Variants in SHPRH observed in about 807,000 individuals in gnomAD.
SHPRH encodes the protein E3 ubiquitin-protein ligase SHPRH.
Under a neutral mutation model 202.5 loss-of-function variants are expected in SHPRH, and 106 were observed. The ratio of observed to expected loss-of-function variants is 0.52; its 90% confidence interval spans 0.45 to 0.62. SHPRH has a LOEUF of 0.62. Ranked by LOEUF, SHPRH falls within the 20% of genes least tolerant of loss-of-function variation. SHPRH has a pLI of 0.00. For synonymous variants in SHPRH, 729 were observed against 686.0 expected, an observed-to-expected ratio of 1.06 and a Z score of -0.98; for missense variants, 1,710 against 2,020.0, an observed-to-expected ratio of 0.85 and a Z score of 2.94.
chr6:145,933,009 C>A (rs1562338614), intron 14 of SHPRH, 48 bp downstream of exon 14: 1 of 1,565,446 alleles, frequency 6.4e-7, no homozygotes, highest in Non-Finnish European at 8.7e-7. Context: ...AATTAACCTT[C>A]CTCAGGAAGT....
intron 1 of SHPRH, among the ~76,000 whole-genome samples, chr6:145,961,108 C>T (rs535217074): frequency 3.4e-4 from 51 of 152,186 alleles, no homozygotes; most frequent in Middle Eastern, 3.4e-3. Context: ...TAACAGGCCA[C>T]GGACTGGCAC....
intron 2 of SHPRH, among the ~76,000 whole-genome samples, chr6:145,879,744 T>C (rs938286897): frequency 3.3e-5 from 5 of 151,212 alleles, no homozygotes; most frequent in African/African-American, 1.2e-4. Context: ...AACCCCGTGT[T>C]TACTAAAAAT....
chr6:145,941,913 C>T, intron 9 of SHPRH, 39 bp from the exon 10 acceptor site: 4 of 1,601,704 alleles, frequency 2.5e-6, no homozygotes, highest in Non-Finnish European at 3.4e-6. Context: ...TGCAAAAAGG[C>T]TCACTAAAGG....
intron 28 of SHPRH, among the ~76,000 whole-genome samples, chr6:145,892,338 C>T (rs1357600613): frequency 6.6e-6 from 1 of 152,128 alleles, no homozygotes; most frequent in East Asian, 1.9e-4. Flanking sequence ...TCTGTAGGGC[C>T]CGAGTGATCA....
intron 23 of SHPRH, among the ~76,000 whole-genome samples, chr6:145,915,626 G>T (rs1369675512): frequency 6.6e-6 from 1 of 151,988 alleles, no homozygotes; most frequent in Non-Finnish European, 1.5e-5. Flanking sequence ...TGGTTACATA[G>T]AGAAACTATG....
chr6:145,941,752 G>T lies in SHPRH; in HGVS notation c.2361C>A (p.Ser787Arg). ...SELNYVDIPH[S>R]NSEDGRRLRN... Reference sequence around the variant, plus strand: ...GTAGGCGACGCCCATCCTCACTATTGCTATGTGGGATATCGACATAATTTA... The same window carrying T: ...GTAGGCGACGCCCATCCTCACTATTTCTATGTGGGATATCGACATAATTTA... Residue 787 changes from serine (S) to arginine (R), a missense_variant, in exon 10 of 30, where the codon AGC becomes AGA. Ser to Arg is a moderately radical substitution (Grantham distance 110). Around this residue, in one of 8 missense-constraint regions of SHPRH, gnomAD observed 277 missense variants for 363.0 expected, o/e 0.76. Transcript: ENST00000275233. 1 of 1,613,958 alleles carries T rather than the reference G, an allele frequency of 6.2e-7. No individual in the cohort carries two copies. The highest frequency in any genetic ancestry group is 8.5e-7 in the Non-Finnish European group (1 of 1,179,968).
chr6:145,859,470 CA>C (rs1422174206), downstream of SHPRH, among the ~76,000 whole-genome samples: 5 of 151,860 alleles, frequency 3.3e-5, no homozygotes, highest in African/African-American at 1.2e-4. Context: ...TCCATGTAGA[CA>C]AATCGATGAG....
chr6:145,935,234 T>C, intron 12 of SHPRH, 44 bp downstream of exon 12: 1 of 1,602,378 alleles, frequency 6.2e-7, no homozygotes, highest in East Asian at 2.2e-5. Context: ...AATTGTTTCT[T>C]TTCTCTTATA....
rs1788333106 is a variant in SHPRH, at chr6:145,954,805, T to C, written c.518A>G (p.Lys173Arg). The C allele has an allele frequency of 6.2e-7, 1 of 1,613,906 alleles. No individual in the cohort carries two copies. The highest frequency in any genetic ancestry group is 8.5e-7 in the Non-Finnish European group (1 of 1,179,882). The change falls in exon 2 of 30, where the codon AAG becomes AGG. Residue 173 changes from lysine (K) to arginine (R), a missense_variant. Lys to Arg is a conservative substitution (Grantham distance 26, BLOSUM62 2). Around this residue, in one of 8 missense-constraint regions of SHPRH, gnomAD observed 459 missense variants for 426.5 expected, o/e 1.08. Coordinates refer to ENST00000275233, the MANE Select transcript of SHPRH (RefSeq NM_001042683.3). ...GAAGGATGACTCCACCAGAATACCC[T>C]TGTCACAAATACTCATCGGTTCTTT... ...QKKEPMSICD[K>R]GILVESSFSG...
At chr6:145,888,650 G>A (rs935881787) in intron 28 of SHPRH, among the ~76,000 whole-genome samples, 1 of 152,146 alleles carries the variant, frequency 6.6e-6, no homozygotes, top group African/African-American at 2.4e-5. Flanking sequence ...GAAGCCCTTG[G>A]TGGGTTTGTA....
At chr6:145,945,115 C>T (rs750326095) in intron 8 of SHPRH, among the ~76,000 whole-genome samples, 1 of 152,092 alleles carries the variant, frequency 6.6e-6, no homozygotes, top group Admixed American at 6.6e-5. Flanking sequence ...GCTTAGCCAA[C>T]TAGTTTTTTA....
chr6:145,929,994 T>C (rs1785267284), intron 14 of SHPRH, among the ~76,000 whole-genome samples: 1 of 152,074 alleles, frequency 6.6e-6, no homozygotes, highest in Non-Finnish European at 1.5e-5. Flanking sequence ...CCTGTAATAT[T>C]TTATTGACAA....
At chr6:145,902,232 A>G (rs1444477385) in intron 25 of SHPRH, among the ~76,000 whole-genome samples, 1 of 152,170 alleles carries the variant, frequency 6.6e-6, no homozygotes, top group South Asian at 2.1e-4. Context: ...CCAAAGGCCA[A>G]TAAAGAATAT....
chr6:145,916,873 C>T lies in SHPRH; in HGVS notation c.4254+1258G>A, dbSNP rs186540864. On this transcript the variant is annotated intron_variant, in intron 23 of 29. Coordinates refer to ENST00000275233, the MANE Select transcript of SHPRH (RefSeq NM_001042683.3). ...TCTCAGCTCACTGCAACCTCTGTCT[C>T]CCAGGTTCAAGCGATTCTCCTGCCT... 5.3e-3 allele frequency among the ~76,000 whole-genome samples: 814 copies of T among 152,160 alleles called. 3 individuals are homozygous for T. Among genetic ancestry groups the T allele is most frequent in the Middle Eastern group, 0.014 (4 of 294 alleles).
intron 1 of SHPRH, among the ~76,000 whole-genome samples, chr6:145,962,049 G>A (rs1043115581): frequency 1.3e-5 from 2 of 152,146 alleles, no homozygotes; most frequent in Non-Finnish European, 2.9e-5. Flanking sequence ...AATTAGCAGT[G>A]TTTGGGTAAA....
At chr6:145,947,727 T>C in intron 5 of SHPRH, 84 bp from the exon 6 acceptor site, 1 of 1,461,204 alleles carries the variant, frequency 6.8e-7, no homozygotes, top group Admixed American at 2.0e-5. Flanking sequence ...TAAAGAGAAC[T>C]GGAAGCAATG....
chr6:145,857,987 G>C, the SHPRH span, among the ~76,000 whole-genome samples: 17 of 152,138 alleles, frequency 1.1e-4, no homozygotes, highest in Non-Finnish European at 1.9e-4. Context: ...ATTAGTTATA[G>C]GGAAATGCAA....
rs1195515769 is a variant in SHPRH at position 145,950,270 on chromosome 6, C to T, written c.976G>A (p.Ala326Thr). 6.8e-6 allele frequency: 11 copies of T among 1,612,522 alleles called. No individual in the cohort carries two copies. Among genetic ancestry groups the T allele is most frequent in the African/African-American group, 1.3e-5 (1 of 74,806 alleles). Residue 326 changes from alanine to threonine, a missense_variant, in exon 4 of 30, where the codon GCT (alanine) becomes ACT (threonine). Ala to Thr is a moderately conservative substitution (Grantham distance 58). Transcript: ENST00000275233. ...LQQECFRSSPATESALHFLWR... is the reference protein window; with the variant it reads ...LQQECFRSSPTTESALHFLWR... ...TTAAACATCTTATTCTTACCAGTAG[C>T]AGGACTGCTTCTGAAACACTCTTGT...
rs540686749 is a variant in SHPRH at position 145,954,051 on chromosome 6, T to C, written c.633+639A>G. Among the ~76,000 whole-genome samples, 17 of 150,846 alleles carry C rather than the reference T, an allele frequency of 1.1e-4. No individual in the cohort carries two copies. In the South Asian group the frequency reaches 2.5e-3, roughly 22 times the overall value. ...AGGAGAGGGCACATAATACTACCAA[T>C]AGATTTAAGAAACGATCTCCCTGGG... On this transcript the variant is annotated intron_variant, in intron 2 of 29. Coordinates refer to ENST00000275233, the MANE Select transcript of SHPRH (RefSeq NM_001042683.3).
Sources: allele counts gnomAD v4.1 joint callset (sites outside exome capture counted in the v4.1 genomes callset), GRCh38; gene constraint gnomAD v4.1.1; regional missense constraint gnomAD v4.1.1; transcripts MANE v1.5; gene names NCBI Gene and HGNC (gene_info 2026-07-23, HGNC 2026-07-21).